Variants in PRKAR1A observed in about 807,000 individuals in gnomAD.
PRKAR1A encodes protein kinase cAMP-dependent type I regulatory subunit alpha.
A neutral mutation model predicts 52.0 loss-of-function variants in PRKAR1A; 3 were observed. That is an observed-to-expected ratio of 0.06 (90% CI 0.03 to 0.15). PRKAR1A has a LOEUF of 0.15. Among genes scored for constraint, PRKAR1A ranks in the 10% least tolerant of loss-of-function variants. The probability of loss-of-function intolerance (pLI) is 1.00; values close to 1 mark genes in which losing one functional copy is unlikely to be tolerated. For synonymous variants in PRKAR1A, 188 were observed against 168.4 expected (o/e 1.12, Z -0.90); for missense variants, 240 against 477.4 (o/e 0.50, Z 4.63).
At chr17:68,431,741 C>T in the PRKAR1A span, among the ~76,000 whole-genome samples, 8 of 152,412 alleles carry the variant, frequency 5.2e-5, no homozygotes, top group East Asian at 1.5e-3. Context: ...TGAGCCGTAA[C>T]CGCCGGGGAC....
chr17:68,464,518 T>G, the PRKAR1A span, among the ~76,000 whole-genome samples: 473 of 152,130 alleles, frequency 3.1e-3, 1 homozygote, highest in African/African-American at 0.011. Flanking sequence ...CCGTCTCTAC[T>G]AAAAATACAA....
the PRKAR1A span, among the ~76,000 whole-genome samples, chr17:68,491,016 C>G: frequency 6.6e-6 from 1 of 152,058 alleles, no homozygotes; most frequent in African/African-American, 2.4e-5. Context: ...GTGCCTGTGG[C>G]CTTGGACCAG....
chr17:68,489,370 ATATATATGGAAAG>A, the PRKAR1A span, among the ~76,000 whole-genome samples: 16 of 103,644 alleles, frequency 1.5e-4, no homozygotes, highest in African/African-American at 2.8e-4. Context: ...GAAAGTATAT[ATATATATGGAAAG>A]TATATATATA....
At chr17:68,520,368 A>C (rs996252801) in intron 2 of PRKAR1A, among the ~76,000 whole-genome samples, 3 of 152,270 alleles carry the variant, frequency 2.0e-5, no homozygotes, top group Non-Finnish European at 4.4e-5. Context: ...AAGATAGTGC[A>C]GAATTTAATG....
the PRKAR1A span, chr17:68,436,576 C>T: frequency 1.8e-6 from 2 of 1,105,728 alleles, no homozygotes; most frequent in Non-Finnish European, 2.7e-6. Context: ...ACAGTGCCAC[C>T]TACTGGCAAG....
At chr17:68,485,326 C>T in the PRKAR1A span, among the ~76,000 whole-genome samples, 3 of 152,182 alleles carry the variant, frequency 2.0e-5, no homozygotes, top group African/African-American at 7.2e-5. Context: ...TTGTCCTAGA[C>T]CTCAGAGTTC....
At chr17:68,468,295 T>C in the PRKAR1A span, among the ~76,000 whole-genome samples, 2 of 152,104 alleles carry the variant, frequency 1.3e-5, no homozygotes, top group Admixed American at 6.5e-5. Context: ...AGGGTAGATA[T>C]GTGAGATTGG....
downstream of PRKAR1A, chr17:68,537,442 C>T (rs2086126128): frequency 6.2e-7 from 1 of 1,613,732 alleles, no homozygotes; most frequent in Non-Finnish European, 8.5e-7. The surrounding 1 kb of genome is among the most constrained non-coding windows in gnomAD (Gnocchi z 4.2). Flanking sequence ...GCTCTGGCTC[C>T]AGGCGTATTT....
the PRKAR1A span, among the ~76,000 whole-genome samples, chr17:68,476,469 T>C: frequency 6.6e-6 from 1 of 152,200 alleles, no homozygotes; most frequent in Non-Finnish European, 1.5e-5. Flanking sequence ...CTGAAAGGCA[T>C]GTAGTGAAAA....
the PRKAR1A span, chr17:68,433,404 G>A: frequency 7.2e-7 from 1 of 1,393,164 alleles, no homozygotes; most frequent in Non-Finnish European, 1.0e-6. Context: ...ATTCATGCCA[G>A]TAGAAGAGCC....
the PRKAR1A span, among the ~76,000 whole-genome samples, chr17:68,440,078 A>T: frequency 6.6e-6 from 1 of 152,218 alleles, no homozygotes; most frequent in African/African-American, 2.4e-5. Context: ...CTAGATGCTA[A>T]CAAGAAAGGG....
chr17:68,437,564 AAAAG>A, the PRKAR1A span, among the ~76,000 whole-genome samples: 1 of 152,138 alleles, frequency 6.6e-6, no homozygotes, highest in African/African-American at 2.4e-5. Context: ...GAAAAAAAAA[AAAAG>A]AAACCGAGCA....
the PRKAR1A span, among the ~76,000 whole-genome samples, chr17:68,475,558 G>T: frequency 6.6e-6 from 1 of 152,212 alleles, no homozygotes; most frequent in Non-Finnish European, 1.5e-5. Context: ...CCACCTTCTG[G>T]GTTCAAGCGA....
At chr17:68,478,606 A>G in the PRKAR1A span, among the ~76,000 whole-genome samples, 1 of 118,550 alleles carries the variant, frequency 8.4e-6, no homozygotes, top group Non-Finnish European at 1.9e-5. Context: ...CCATTTAGAA[A>G]TATGTGTGTG....
In PRKAR1A at chr17:68,530,487, A is replaced by G. The variant is rs200437510; in HGVS notation, c.*38A>G. On this transcript the variant is annotated 3_prime_UTR_variant, in exon 11 of 11. Coordinates refer to ENST00000589228, the MANE Select transcript of PRKAR1A (RefSeq NM_002734.5). ...GTGCCTCCCTTTTCTCCTCTCCCCA[A>G]TCCATGCTTCACTCATGCAAACTGC... 3.8e-5 allele frequency: 62 copies of G among 1,613,522 alleles called. No homozygotes were observed. The highest frequency in any genetic ancestry group is 4.5e-5 in the East Asian group (2 of 44,872).
chr17:68,498,846 C>G, the PRKAR1A span, among the ~76,000 whole-genome samples: 2 of 152,198 alleles, frequency 1.3e-5, no homozygotes, highest in Non-Finnish European at 2.9e-5. Flanking sequence ...CTCTAAAGTA[C>G]AGGCCAATCA....
the PRKAR1A span, among the ~76,000 whole-genome samples, chr17:68,446,656 G>A: frequency 6.6e-6 from 1 of 152,188 alleles, no homozygotes; most frequent in Admixed American, 6.5e-5. Flanking sequence ...TTAGAACTAC[G>A]TGGTTCTATG....
At chr17:68,540,756 GA>G in intron 11 of PRKAR1A, 1 of 1,479,548 alleles carries the variant, frequency 6.8e-7, no homozygotes, top group East Asian at 2.5e-5. Context: ...CAGTCCTCAT[GA>G]ACCAGGTTGT....
chr17:68,447,761 G>C, the PRKAR1A span, among the ~76,000 whole-genome samples: 1 of 152,102 alleles, frequency 6.6e-6, no homozygotes, highest in African/African-American at 2.4e-5. Context: ...GGGAGGCCGA[G>C]GTGGGTGGAT....
Sources: allele counts gnomAD v4.1 joint callset (sites outside exome capture counted in the v4.1 genomes callset), GRCh38; gene constraint gnomAD v4.1.1; non-coding constraint Gnocchi (gnomAD v3.1); transcripts MANE v1.5; gene names NCBI Gene and HGNC (gene_info 2026-07-23, HGNC 2026-07-21).